The following ZC3H12B variants were observed in gnomAD, a reference collection of about 807,000 sequenced individuals.
ZC3H12B encodes probable ribonuclease ZC3H12B.
ZC3H12B carries 7 observed loss-of-function variants against 43.9 expected under a neutral mutation model. The ratio of observed to expected loss-of-function variants is 0.16; its 90% CI spans 0.09 to 0.30. The LOEUF (loss-of-function observed/expected upper bound fraction) is 0.30, where lower values mean the gene tolerates loss of function less well. Ranked by LOEUF, ZC3H12B falls within the 10% of genes least tolerant of loss-of-function variation. The pLI is 1.00. For missense variants in ZC3H12B, 475 were observed against 670.2 expected (o/e 0.71, Z 3.22); for synonymous variants, 222 against 241.7 (o/e 0.92, Z 0.76).
At chrX:65,445,805 G>T (rs1055634615) in intron 3 of ZC3H12B, among the ~76,000 whole-genome samples, 3 of 112,296 alleles carry the variant, frequency 2.7e-5, no homozygotes, top group Non-Finnish European at 5.6e-5. Context: ...GCTAGGAGTC[G>T]GGAATTTTAG....
At chrX:65,277,796 T>A in the ZC3H12B span, among the ~76,000 whole-genome samples, 1 of 111,253 alleles carries the variant, frequency 9.0e-6, no homozygotes, top group Non-Finnish European at 1.9e-5. Flanking sequence ...AATAATACAC[T>A]TCCAGTAAAT....
intron 2 of ZC3H12B, among the ~76,000 whole-genome samples, chrX:65,387,226 A>G (rs2066540319): frequency 9.2e-6 from 1 of 108,395 alleles, no homozygotes; most frequent in Non-Finnish European, 2.0e-5. Flanking sequence ...TTGTTGATCT[A>G]ATGTTGACAG....
chrX:65,392,563 C>T (rs1391480042), intron 2 of ZC3H12B, among the ~76,000 whole-genome samples: 3 of 111,319 alleles, frequency 2.7e-5, no homozygotes, highest in Non-Finnish European at 3.8e-5. Context: ...GGGTCACCCC[C>T]GCTTGGCAGC....
At chrX:65,394,767 G>C (rs781598875) in intron 2 of ZC3H12B, among the ~76,000 whole-genome samples, 1 of 111,897 alleles carries the variant, frequency 8.9e-6, no homozygotes, top group Non-Finnish European at 1.9e-5. Flanking sequence ...GATGGAAATA[G>C]AATTGAATCT....
chrX:65,257,178 C>A, the ZC3H12B span, among the ~76,000 whole-genome samples: 32 of 112,090 alleles, frequency 2.9e-4, no homozygotes, highest in African/African-American at 1.0e-3. Context: ...GCACTATTCA[C>A]AACAGCAAAG....
chrX:65,457,061 C>T (rs1189016543), intron 3 of ZC3H12B, among the ~76,000 whole-genome samples: 2 of 92,609 alleles, frequency 2.2e-5, no homozygotes, highest in African/African-American at 4.0e-5. Flanking sequence ...GGCCGCCCAT[C>T]GTCTGAGATG....
the ZC3H12B span, among the ~76,000 whole-genome samples, chrX:65,338,913 G>A: frequency 1.8e-5 from 2 of 112,177 alleles, no homozygotes; most frequent in Non-Finnish European, 3.8e-5. Context: ...GCATCATACT[G>A]AATGGACAAA....
At chrX:65,428,623 C>G (rs1385395510) in intron 3 of ZC3H12B, among the ~76,000 whole-genome samples, 3 of 112,652 alleles carry the variant, frequency 2.7e-5, no homozygotes, top group Non-Finnish European at 5.6e-5. Context: ...ATATTCCTCT[C>G]TAACCTGGCT....
At chrX:65,356,494 G>A in the ZC3H12B span, among the ~76,000 whole-genome samples, 1 of 111,828 alleles carries the variant, frequency 8.9e-6, no homozygotes, top group Non-Finnish European at 1.9e-5. Flanking sequence ...ATGGTCTTGT[G>A]TTGCTCTCCC....
intron 3 of ZC3H12B, among the ~76,000 whole-genome samples, chrX:65,472,825 GATATATATATATATATATAT>G (rs58372328): frequency 1.3e-4 from 4 of 31,583 alleles, no homozygotes; most frequent in African/African-American, 2.1e-4. Context: ...CCATACCTTT[GATATATATATATATATATAT>G]ATATATATAT....
At chrX:65,406,566 A>AGCGGGGCTGAGCGGGGCTGAG (rs1569396762) in intron 3 of ZC3H12B, among the ~76,000 whole-genome samples, 3 of 88,225 alleles carry the variant, frequency 3.4e-5, no homozygotes, top group African/African-American at 1.3e-4. Flanking sequence ...TCGGGGCTGA[A>AGCGGGGCTGAGCGGGGCTGAG]CGGGGCTGGG....
the ZC3H12B span, among the ~76,000 whole-genome samples, chrX:65,056,789 A>G: frequency 9.0e-6 from 1 of 111,661 alleles, no homozygotes; most frequent in Non-Finnish European, 1.9e-5. Flanking sequence ...TTGGGTGCAT[A>G]TATATTTAGG....
At chrX:65,316,624 G>T in the ZC3H12B span, among the ~76,000 whole-genome samples, 25 of 111,700 alleles carry the variant, frequency 2.2e-4, no homozygotes, top group African/African-American at 7.8e-4. Flanking sequence ...CACCAGGACT[G>T]CCTTAAATAA....
the ZC3H12B span, among the ~76,000 whole-genome samples, chrX:65,052,183 ATGTT>A: frequency 1.8e-5 from 2 of 111,189 alleles, no homozygotes; most frequent in East Asian, 2.8e-4. Flanking sequence ...ATTTTTTAAA[ATGTT>A]TGTGGGTACA....
At chrX:65,157,339 A>T in the ZC3H12B span, among the ~76,000 whole-genome samples, 1 of 112,360 alleles carries the variant, frequency 8.9e-6, no homozygotes, top group Non-Finnish European at 1.9e-5. Context: ...TATGCTCAAC[A>T]TCTTAATTTT....
chrX:65,374,243 A>G (rs1271619864), intron 2 of ZC3H12B, among the ~76,000 whole-genome samples: 1 of 82,408 alleles, frequency 1.2e-5, no homozygotes, highest in Non-Finnish European at 2.1e-5. Flanking sequence ...AGTAATATAT[A>G]TTATATATAT....
At chrX:65,064,050 C>A in the ZC3H12B span, among the ~76,000 whole-genome samples, 1 of 111,399 alleles carries the variant, frequency 9.0e-6, no homozygotes, top group Admixed American at 9.5e-5. Context: ...TCTTTCTTTT[C>A]TTCTTTATTA....
chrX:65,428,729 C>T (rs1302266680), intron 3 of ZC3H12B, among the ~76,000 whole-genome samples: 1 of 112,309 alleles, frequency 8.9e-6, no homozygotes, highest in Non-Finnish European at 1.9e-5. Flanking sequence ...TTTGTTATTA[C>T]CCACCTTCTG....
At chrX:65,117,095 A>C in the ZC3H12B span, among the ~76,000 whole-genome samples, 1 of 112,145 alleles carries the variant, frequency 8.9e-6, no homozygotes, top group Non-Finnish European at 1.9e-5. Context: ...TGGCTGGGTC[A>C]AATGGTATGT....
Sources: allele counts gnomAD v4.1 joint callset (sites outside exome capture counted in the v4.1 genomes callset), GRCh38; gene constraint gnomAD v4.1.1; transcripts MANE v1.5; gene names NCBI Gene and HGNC (gene_info 2026-07-23, HGNC 2026-07-21).